Variants in ANXA4 observed in about 807,000 individuals in gnomAD.
ANXA4 encodes the protein annexin A4.
ANXA4 carries 39 observed loss-of-function variants against 49.8 expected under a neutral mutation model. That is an observed-to-expected ratio of 0.78 (90% CI 0.61 to 1.02). The LOEUF is 1.02. ANXA4 is among the 50% of genes least tolerant of loss of function. The probability of loss-of-function intolerance (pLI) is 0.00; values close to 1 mark genes in which losing one functional copy is unlikely to be tolerated. For synonymous variants in ANXA4, 134 were observed against 152.5 expected (o/e 0.88, Z 0.89); for missense variants, 360 against 410.1 (o/e 0.88, Z 1.05).
Position 69,657,451 on chromosome 2 carries a change from C to T in ANXA4, n.766+4169C>T, listed in dbSNP as rs186000794. Among the ~76,000 whole-genome samples the T allele has an allele frequency of 1.0e-3, 152 of 148,776 alleles. 1 individual carries two copies. The East Asian group carries it at 0.02, about 19-fold the overall frequency. The stretch of plus-strand genomic sequence containing the variant: ...AACTTACATTACTATTTTTAATGTA[C>T]GCAATGGAGACTAAATACCACATAT... On this transcript the variant is annotated intron_variant and non_coding_transcript_variant, in intron 2 of 3. Coordinates refer to the ANXA4 transcript ENST00000418066.
chr2:69,675,862 A>C (rs1159881545), intron 2 of ANXA4, among the ~76,000 whole-genome samples: 1 of 152,024 alleles, frequency 6.6e-6, no homozygotes, highest in Non-Finnish European at 1.5e-5. Flanking sequence ...TCTCTACTAA[A>C]AATACAAAAA....
At chr2:69,711,950 G>A (rs893248969) in intron 2 of ANXA4, among the ~76,000 whole-genome samples, 1 of 152,132 alleles carries the variant, frequency 6.6e-6, no homozygotes, top group Middle Eastern at 3.2e-3. Context: ...AAGGAAAAAG[G>A]AGAGCAAGAA....
chr2:69,803,983 C>T (rs1043857536), intron 3 of ANXA4, among the ~76,000 whole-genome samples: 2 of 151,826 alleles, frequency 1.3e-5, no homozygotes, highest in Non-Finnish European at 2.9e-5. Flanking sequence ...ACTAAAAACA[C>T]AAAAATTCGC....
At position 69,825,603 on chromosome 2, in the gene ANXA4, G is replaced by C; in HGVS notation, c.*88G>C. ...CTACACTGCTATTATCATTATCTCA[G>C]AATGCTTATTTCCAATTAAAACGCC... On this transcript the variant is annotated 3_prime_UTR_variant, in exon 13 of 13. Coordinates refer to ENST00000394295, the MANE Select transcript of ANXA4 (RefSeq NM_001153.5). 1.0e-6 allele frequency: 1 copy of C among 1,001,944 alleles called. No individual in the cohort carries two copies. Among genetic ancestry groups the C allele is most frequent in the African/African-American group, 1.6e-5 (1 of 60,608 alleles). The allele number at this position is 1,001,944 out of a possible 1,614,324, so 62.1% of individuals were successfully genotyped here.
At chr2:69,756,468 T>TA (rs1429894662) in intron 1 of ANXA4, among the ~76,000 whole-genome samples, 5 of 152,308 alleles carry the variant, frequency 3.3e-5, no homozygotes, top group Admixed American at 6.5e-5. Flanking sequence ...AGATACTTTT[T>TA]AAAAAAAGTT....
chr2:69,722,569 A>C (rs1029133767), intron 3 of ANXA4, among the ~76,000 whole-genome samples: 2 of 152,114 alleles, frequency 1.3e-5, no homozygotes, highest in Non-Finnish European at 2.9e-5. Context: ...GGAACAGGCA[A>C]ATTCATAGAG....
chr2:69,691,947 G>A (rs566454062), intron 2 of ANXA4, among the ~76,000 whole-genome samples: 10 of 152,280 alleles, frequency 6.6e-5, no homozygotes, highest in Admixed American at 2.0e-4. Flanking sequence ...GTGCAGTGGC[G>A]TGATCTTGGC....
At chr2:69,719,237 C>T (rs1346550039) in intron 2 of ANXA4, among the ~76,000 whole-genome samples, 3 of 127,524 alleles carry the variant, frequency 2.4e-5, no homozygotes, top group Non-Finnish European at 5.0e-5. Flanking sequence ...TTACAGTTTT[C>T]TAACCATTGA....
chr2:69,651,627 G>A (rs898530071), intron 1 of ANXA4, among the ~76,000 whole-genome samples: 2 of 149,758 alleles, frequency 1.3e-5, no homozygotes, highest in Admixed American at 6.7e-5. Flanking sequence ...CTCGGCCTCC[G>A]GAGTAGCTGG....
rs1409215360 is a variant in ANXA4 at position 69,677,056 on chromosome 2, TCA to T, written n.766+23775_766+23776del. On this transcript the variant is annotated intron_variant and non_coding_transcript_variant, in intron 2 of 3. Transcript: ENST00000418066. ...TCTCAAACTCCTTGGCCTCAAGCAG[TCA>T]TTCTACCTCAGCTTCCCAAAGTGTT... is the stretch of plus-strand genomic sequence containing the variant. Among the ~76,000 whole-genome samples the T allele has an allele frequency of 2.0e-5, 3 of 152,142 alleles. No homozygotes were observed. In the South Asian group the frequency reaches 6.2e-4, roughly 31 times the overall value.
At chr2:69,681,932 G>A (rs1255937986) in intron 2 of ANXA4, among the ~76,000 whole-genome samples, 3 of 151,852 alleles carry the variant, frequency 2.0e-5, no homozygotes, top group African/African-American at 7.3e-5. Flanking sequence ...GACCCTCTGG[G>A]CTCAAGTGAA....
At chr2:69,651,820 G>T (rs1394424143) in intron 1 of ANXA4, among the ~76,000 whole-genome samples, 806 of 39,254 alleles carry the variant, frequency 0.021, 37 homozygotes, top group African/African-American at 0.08. Flanking sequence ...TTTTTTTTGG[G>T]GGGGGGGGGC....
At chr2:69,762,252 TG>T (rs1218053650) in intron 1 of ANXA4, among the ~76,000 whole-genome samples, 2 of 152,132 alleles carry the variant, frequency 1.3e-5, no homozygotes, top group African/African-American at 4.8e-5. Context: ...CCAGGCGAGG[TG>T]GCTCATGCCT....
intron 2 of ANXA4, among the ~76,000 whole-genome samples, chr2:69,673,265 T>G (rs551686685): frequency 6.6e-6 from 1 of 152,056 alleles, no homozygotes; most frequent in Non-Finnish European, 1.5e-5. Context: ...CAAATGCCCA[T>G]CAATGATGGA....
intron 3 of ANXA4, among the ~76,000 whole-genome samples, chr2:69,796,771 A>G (rs372740177): frequency 2.0e-4 from 31 of 152,254 alleles, no homozygotes; most frequent in African/African-American, 7.2e-4. Context: ...TAGGAAAACT[A>G]GAAGGACTGG....
intron 2 of ANXA4, among the ~76,000 whole-genome samples, chr2:69,786,102 T>A (rs1014205667): frequency 2.6e-5 from 4 of 152,198 alleles, no homozygotes; most frequent in Non-Finnish European, 4.4e-5. Flanking sequence ...CATCCCAAAC[T>A]TAACATTTCC....
At chr2:69,680,670 A>G (rs1027785382) in intron 2 of ANXA4, among the ~76,000 whole-genome samples, 1 of 152,118 alleles carries the variant, frequency 6.6e-6, no homozygotes, top group African/African-American at 2.4e-5. Context: ...ATGTTGAGGT[A>G]TGTTCCTTCT....
chr2:69,817,096 T>A (rs1191167907), intron 9 of ANXA4: 1 of 152,260 alleles, frequency 6.6e-6, no homozygotes, highest in Non-Finnish European at 1.5e-5. Context: ...CTTCACTTCC[T>A]TCCCTTGCCT....
chr2:69,744,379 T>G (rs1376074274), intron 1 of ANXA4, among the ~76,000 whole-genome samples: 2 of 152,186 alleles, frequency 1.3e-5, no homozygotes, highest in African/African-American at 4.8e-5. Context: ...CACAAATATT[T>G]GAAATTAAAA....
Sources: allele counts gnomAD v4.1 joint callset (sites outside exome capture counted in the v4.1 genomes callset), GRCh38; gene constraint gnomAD v4.1.1; transcripts MANE v1.5; gene names NCBI Gene and HGNC (gene_info 2026-07-23, HGNC 2026-07-21).